The following DLG2 variants were observed in gnomAD, a reference collection of about 807,000 sequenced individuals.
The protein encoded by DLG2 is disks large homolog 2.
A neutral mutation model predicts 132.5 loss-of-function variants in DLG2; 45 were observed. The observed-to-expected ratio is 0.34, with a 90% CI of 0.27 to 0.44. The LOEUF is 0.44. Among genes scored for constraint, DLG2 ranks in the 20% least tolerant of loss-of-function variants. The pLI, the probability that DLG2 is intolerant of heterozygous loss-of-function variation, is 1.00. For missense variants in DLG2, 1,045 were observed against 1,196.9 expected, an observed-to-expected ratio of 0.87 and a Z score of 1.87; for synonymous variants, 424 against 419.6, an observed-to-expected ratio of 1.01 and a Z score of -0.13.
At chr11:84,710,103 C>A (rs898010479) in intron 6 of DLG2, among the ~76,000 whole-genome samples, 2 of 151,758 alleles carry the variant, frequency 1.3e-5, no homozygotes, top group South Asian at 2.1e-4. Context: ...AAATGAATAG[C>A]GTATAGATTA....
chr11:83,568,500 G>A (rs2096745753), intron 19 of DLG2, among the ~76,000 whole-genome samples: 1 of 152,120 alleles, frequency 6.6e-6, no homozygotes, highest in South Asian at 2.1e-4. Flanking sequence ...AAAGCTAATG[G>A]AAATCATTCA....
intron 3 of DLG2, among the ~76,000 whole-genome samples, chr11:85,523,098 C>T (rs938086942): frequency 2.0e-5 from 3 of 152,222 alleles, no homozygotes; most frequent in Admixed American, 2.0e-4. Context: ...GGGGGAGGGA[C>T]CTTGTGGGAG....
chr11:85,583,422 A>G (rs1483812432), intron 3 of DLG2, among the ~76,000 whole-genome samples: 1 of 151,364 alleles, frequency 6.6e-6, no homozygotes, highest in Non-Finnish European at 1.5e-5. Context: ...CCTGGCCTCA[A>G]GTGATCCTCC....
intron 19 of DLG2, among the ~76,000 whole-genome samples, chr11:83,544,831 G>C (rs950205331): frequency 1.3e-5 from 2 of 152,066 alleles, no homozygotes; most frequent in African/African-American, 4.8e-5. Flanking sequence ...ATAAAATGAG[G>C]TGTATCTGAC....
chr11:83,633,172 G>C (rs1265505793), intron 19 of DLG2, 39 bp downstream of exon 19: 14 of 1,582,702 alleles, frequency 8.8e-6, no homozygotes, highest in Non-Finnish European at 1.2e-5. Context: ...AAGTTGAATT[G>C]CTCACAAAGT....
chr11:83,677,856 TG>T (rs1183129314), intron 18 of DLG2, among the ~76,000 whole-genome samples: 1 of 152,178 alleles, frequency 6.6e-6, no homozygotes, highest in African/African-American at 2.4e-5. Flanking sequence ...GCTGTAGTAA[TG>T]GCATAAGGCC....
intron 18 of DLG2, among the ~76,000 whole-genome samples, chr11:83,751,064 AAAAAGTCAGAAT>A (rs1461300301): frequency 6.6e-6 from 1 of 152,240 alleles, no homozygotes; most frequent in East Asian, 1.9e-4. Context: ...TGTTCAATGT[AAAAAGTCAGAAT>A]ACAAAGCAGA....
chr11:84,129,623 G>T (rs190061634), intron 9 of DLG2, among the ~76,000 whole-genome samples: 4 of 152,024 alleles, frequency 2.6e-5, no homozygotes, highest in Non-Finnish European at 5.9e-5. Context: ...TGCTTTTTTT[G>T]AGAACGTAAA....
intron 6 of DLG2, among the ~76,000 whole-genome samples, chr11:84,954,823 CAATT>C (rs1199279713): frequency 6.6e-6 from 1 of 152,156 alleles, no homozygotes; most frequent in African/African-American, 2.4e-5. Context: ...ACAGGACACA[CAATT>C]AATAAGTATA....
intron 6 of DLG2, among the ~76,000 whole-genome samples, chr11:84,610,431 AATATAGTCAT>A (rs1269242345): frequency 2.6e-5 from 4 of 152,158 alleles, no homozygotes; most frequent in African/African-American, 9.7e-5. Flanking sequence ...CAACTTCATC[AATATAGTCAT>A]ATCACCAGGT....
rs116308255 is a variant in DLG2, at chr11:84,685,295, C to T, written c.358-150564G>A. Among the ~76,000 whole-genome samples, 1,072 of 152,294 alleles carry T rather than the reference C, an allele frequency of 7.0e-3. 13 individuals are homozygous for T. The highest frequency in any genetic ancestry group is 0.024 in the African/African-American group (996 of 41,566). On this transcript the variant is annotated intron_variant, in intron 6 of 27. Transcript: ENST00000376104. ...CCTCAATGCCTAGCCAAGTTCCTGG[C>T]ACACAGGAAATAGTCAACAAATCTT...
chr11:83,735,402 C>A (rs1256803748), intron 18 of DLG2, among the ~76,000 whole-genome samples: 4 of 152,198 alleles, frequency 2.6e-5, no homozygotes, highest in African/African-American at 9.6e-5. Flanking sequence ...AGTTTGGGGG[C>A]AAGATGCTTT....
chr11:85,052,391 T>C (rs1444415434), intron 6 of DLG2, among the ~76,000 whole-genome samples: 2 of 152,180 alleles, frequency 1.3e-5, no homozygotes, highest in Non-Finnish European at 2.9e-5. Flanking sequence ...ACTCATAAAA[T>C]TTAAATATTA....
chr11:83,688,510 GA>G (rs1566540897), intron 18 of DLG2, among the ~76,000 whole-genome samples: 2 of 152,136 alleles, frequency 1.3e-5, no homozygotes, highest in African/African-American at 4.8e-5. Context: ...GACTTTGCAA[GA>G]TGGACCAGCC....
At chr11:85,492,848 G>A (rs576189317) in intron 3 of DLG2, among the ~76,000 whole-genome samples, 13 of 152,184 alleles carry the variant, frequency 8.5e-5, no homozygotes, top group African/African-American at 3.1e-4. Context: ...GGTTGATAGG[G>A]AGAAACATCA....
Position 84,745,114 on chromosome 11 carries a change from T to C in DLG2, c.358-210383A>G, listed in dbSNP as rs562687433. On this transcript the variant is annotated intron_variant, in intron 6 of 27. Transcript: ENST00000376104. ...TCTTGAATCCATGAAAAAGAGGGGCTCCTAGCCCTCTACTCAAAAACAATG... is the reference window on the plus strand; with the variant it reads ...TCTTGAATCCATGAAAAAGAGGGGCCCCTAGCCCTCTACTCAAAAACAATG... 6.6e-5 allele frequency among the ~76,000 whole-genome samples: 10 copies of C among 152,226 alleles called. No individual in the cohort carries two copies. The South Asian group carries it at 1.0e-3, about 16-fold the overall frequency.
chr11:85,058,147 A>T (rs1474512860), intron 6 of DLG2, among the ~76,000 whole-genome samples: 1 of 151,566 alleles, frequency 6.6e-6, no homozygotes, highest in Non-Finnish European at 1.5e-5. Context: ...TTACATAGTA[A>T]ATCCAAAAGA....
chr11:83,541,347 A>C (rs2096062591), intron 20 of DLG2, among the ~76,000 whole-genome samples: 1 of 152,174 alleles, frequency 6.6e-6, no homozygotes, highest in Non-Finnish European at 1.5e-5. Flanking sequence ...GAAACTCTGG[A>C]AATAAATGGA....
intron 11 of DLG2, among the ~76,000 whole-genome samples, chr11:84,013,951 G>A (rs1185461345): frequency 1.3e-5 from 2 of 150,798 alleles, no homozygotes; most frequent in Non-Finnish European, 2.9e-5. Flanking sequence ...GTCTTGACTG[G>A]ACCTGGAGAT....
Sources: gnomAD v4.1 joint callset for allele counts (sites outside exome capture counted in the v4.1 genomes callset) on GRCh38, gnomAD v4.1.1 for gene constraint, MANE v1.5 for transcripts, NCBI Gene and HGNC (gene_info 2026-07-23, HGNC 2026-07-21) for gene names.